FHL2: variants seen among roughly 807,000 people sequenced by gnomAD.
FHL2 encodes the protein four and a half LIM domains protein 2.
Under a neutral mutation model 32.7 loss-of-function variants are expected in FHL2, and 20 were observed. The observed-to-expected ratio is 0.61, with a 90% CI of 0.43 to 0.89. The LOEUF (loss-of-function observed/expected upper bound fraction) is 0.89. Among genes scored for constraint, FHL2 ranks in the 40% least tolerant of loss-of-function variants. The pLI is 0.00. For missense variants in FHL2, 311 were observed against 358.6 expected, an observed-to-expected ratio of 0.87 and a Z score of 1.07; for synonymous variants, 123 against 128.1, an observed-to-expected ratio of 0.96 and a Z score of 0.27.
chr2:105,396,821 CAGA>C, intron 1 of FHL2, 124 bp from the exon 2 acceptor site: 1 of 778,412 alleles, frequency 1.3e-6, no homozygotes, highest in South Asian at 1.8e-5. Flanking sequence ...TAAAACCGCA[CAGA>C]AGAACCCAAT....
In FHL2 at chr2:105,438,252, T is replaced by G. The variant is rs1039199942; in HGVS notation, c.-25+147A>C. Reference sequence around the variant, plus strand: ...AGCAACACCTGCATCTCTGCTGGGGTCAGCGAGCTCCCAGTGCCTGAGAGC... The same window carrying G: ...AGCAACACCTGCATCTCTGCTGGGGGCAGCGAGCTCCCAGTGCCTGAGAGC... On this transcript the variant is annotated intron_variant, in intron 1 of 5. Transcript: ENST00000393352. 3.5e-5 allele frequency: 21 copies of G among 595,990 alleles called. 1 individual carries two copies. The Middle Eastern group carries it at 3.3e-3, about 94-fold the overall frequency. The allele number at this position is 595,990 out of a possible 1,614,324, so 36.9% of individuals were successfully genotyped here.
At chr2:105,406,757 T>A (rs6543292) in intron 1 of FHL2, among the ~76,000 whole-genome samples, 39,177 of 152,158 alleles carry the variant, frequency 0.26, 5,551 homozygotes, top group African/African-American at 0.36. Flanking sequence ...GAGAGAGTCT[T>A]TGAGAGCCCT....
chr2:105,427,237 A>G (rs1426292607), intron 1 of FHL2, among the ~76,000 whole-genome samples: 1 of 152,238 alleles, frequency 6.6e-6, no homozygotes, highest in Non-Finnish European at 1.5e-5. Flanking sequence ...ACTGTCATGA[A>G]AAAATTCTGG....
chr2:105,396,029 A>G (rs573132613), intron 2 of FHL2, among the ~76,000 whole-genome samples: 2 of 152,318 alleles, frequency 1.3e-5, no homozygotes, highest in African/African-American at 4.8e-5. Flanking sequence ...CAAGACTCCC[A>G]GGAGCAAAGT....
intron 5 of FHL2, among the ~76,000 whole-genome samples, chr2:105,366,567 G>A (rs1481462136): frequency 3.3e-5 from 5 of 152,150 alleles, no homozygotes; most frequent in Non-Finnish European, 7.3e-5. Context: ...AATAAGAATT[G>A]CGTGTGTCTA....
chr2:105,376,773 C>T (rs1681502406), intron 3 of FHL2: 1 of 152,178 alleles, frequency 6.6e-6, no homozygotes, highest in Non-Finnish European at 1.5e-5. Flanking sequence ...AGATGTCTAT[C>T]AATAGGTGAA....
At chr2:105,422,646 CAAAAAAA>C (rs10715306) in intron 1 of FHL2, among the ~76,000 whole-genome samples, 3 of 113,968 alleles carry the variant, frequency 2.6e-5, no homozygotes, top group Non-Finnish European at 5.7e-5. Context: ...TCATCTCTGG[CAAAAAAA>C]AAAAAAAAAA....
chr2:105,383,812 G>A (rs551398228), intron 3 of FHL2, among the ~76,000 whole-genome samples: 1 of 152,296 alleles, frequency 6.6e-6, no homozygotes, highest in East Asian at 1.9e-4. Flanking sequence ...AGAAAAGCAC[G>A]CCTAAAGCAT....
intron 5 of FHL2, among the ~76,000 whole-genome samples, chr2:105,364,349 A>T (rs1381552854): frequency 6.6e-6 from 1 of 152,224 alleles, no homozygotes; most frequent in South Asian, 2.1e-4. Context: ...CTTACGGTGA[A>T]AGAAGGAAGA....
chr2:105,434,300 G>A (rs530116814), intron 1 of FHL2, among the ~76,000 whole-genome samples: 12 of 152,348 alleles, frequency 7.9e-5, no homozygotes, highest in South Asian at 6.2e-4. Context: ...GACCAGGCAC[G>A]GTGGCTCACG....
intron 1 of FHL2, among the ~76,000 whole-genome samples, chr2:105,398,217 C>G (rs1359828833): frequency 6.6e-6 from 1 of 152,172 alleles, no homozygotes; most frequent in African/African-American, 2.4e-5. Flanking sequence ...CATTTAAAAT[C>G]AGAAAAACAC....
chr2:105,392,624 T>C (rs961328904), intron 2 of FHL2, among the ~76,000 whole-genome samples: 3 of 152,002 alleles, frequency 2.0e-5, no homozygotes, highest in African/African-American at 7.3e-5. Flanking sequence ...TATTTTTAAA[T>C]TTTCAGATTC....
chr2:105,399,420 G>A, upstream of FHL2: 1 of 1,536,172 alleles, frequency 6.5e-7, no homozygotes, highest in Non-Finnish European at 8.7e-7. Flanking sequence ...GACGTGCCGG[G>A]GGAGGCGGAG....
At position 105,396,432 on chromosome 2, in the gene FHL2, G is replaced by T. The variant is rs114801434; in HGVS notation, c.-25+215C>A. Reference sequence around the variant, plus strand: ...TCAGGCCTTCAACTGTTTGGACAAGGCCCACTCACATTATGGAGAGCAGCC... The same window carrying T: ...TCAGGCCTTCAACTGTTTGGACAAGTCCCACTCACATTATGGAGAGCAGCC... On this transcript the variant is annotated intron_variant, in intron 2 of 6. Coordinates refer to ENST00000530340, the MANE Select transcript of FHL2 (RefSeq NM_001318895.3). 7.5e-3 allele frequency among the ~76,000 whole-genome samples: 1,136 copies of T among 152,208 alleles called. 7 individuals are homozygous for T. Among genetic ancestry groups the T allele is most frequent in the African/African-American group, 0.025 (1,023 of 41,500 alleles).
intron 1 of FHL2, among the ~76,000 whole-genome samples, chr2:105,419,980 G>A (rs892958936): frequency 6.6e-6 from 1 of 152,152 alleles, no homozygotes; most frequent in Admixed American, 6.5e-5. Context: ...GGGAGGGGAT[G>A]CATTGGCCAA....
At chr2:105,389,003 A>G (rs1682527956) in intron 2 of FHL2, among the ~76,000 whole-genome samples, 2 of 152,234 alleles carry the variant, frequency 1.3e-5, no homozygotes, top group African/African-American at 2.4e-5. Context: ...GATTACAGTA[A>G]TTTTGTACTA....
chr2:105,413,822 C>A (rs1683861028), intron 1 of FHL2, among the ~76,000 whole-genome samples: 1 of 152,174 alleles, frequency 6.6e-6, no homozygotes, highest in Non-Finnish European at 1.5e-5. Flanking sequence ...ATGCAGAACA[C>A]TTCTGTGACC....
intron 1 of FHL2, among the ~76,000 whole-genome samples, chr2:105,430,928 A>G (rs776292478): frequency 1.3e-4 from 20 of 152,116 alleles, no homozygotes; most frequent in South Asian, 6.2e-4. Flanking sequence ...TTTTTACACC[A>G]CTGTACACTC....
chr2:105,389,698 C>T (rs1236114486), intron 2 of FHL2, among the ~76,000 whole-genome samples: 1 of 152,138 alleles, frequency 6.6e-6, no homozygotes, highest in African/African-American at 2.4e-5. Context: ...AAATGAACTC[C>T]CAGTCTAACT....
Sources: gnomAD v4.1 joint callset for allele counts (sites outside exome capture counted in the v4.1 genomes callset) on GRCh38, gnomAD v4.1.1 for gene constraint, MANE v1.5 for transcripts, NCBI Gene and HGNC (gene_info 2026-07-23, HGNC 2026-07-21) for gene names.